The following B4GALT1 variants were observed in gnomAD, a reference collection of about 807,000 sequenced individuals.
B4GALT1 encodes the protein N-acetyllactosamine synthase.
In B4GALT1, 16 loss-of-function variants were observed where a neutral mutation model predicts 34.9. The observed-to-expected ratio is 0.46, with a 90% CI of 0.31 to 0.70. The LOEUF (loss-of-function observed/expected upper bound fraction) is 0.70, where lower values mean the gene tolerates loss of function less well. Among genes scored for constraint, B4GALT1 ranks in the 30% least tolerant of loss-of-function variants. The probability of loss-of-function intolerance (pLI) is 0.05; values close to 1 mark genes in which losing one functional copy is unlikely to be tolerated. For missense variants in B4GALT1, 445 were observed against 530.5 expected, an observed-to-expected ratio of 0.84 and a Z score of 1.58; for synonymous variants, 221 against 218.1, an observed-to-expected ratio of 1.01 and a Z score of -0.12.
At position 33,112,831 on chromosome 9, in the gene B4GALT1, C is replaced by T. The variant is rs1839883057; in HGVS notation, c.*623G>A. The T allele has an allele frequency of 6.4e-6, 1 of 155,116 alleles. No homozygotes were observed. The highest frequency in any genetic ancestry group is 1.4e-5 in the Non-Finnish European group (1 of 69,632). 9.6% of individuals were successfully genotyped at this position (155,116 alleles called of 1,614,324 possible). ...GAATGCGAGAAACCCAAGGCTTTTG[C>T]TCTGATGCTAGAGTTGCCCTGGAAT... On this transcript the variant is annotated 3_prime_UTR_variant, in exon 6 of 6. Coordinates refer to ENST00000379731, the MANE Select transcript of B4GALT1 (RefSeq NM_001497.4).
At chr9:33,133,867 C>T (rs1840229047) in intron 2 of B4GALT1, among the ~76,000 whole-genome samples, 1 of 152,188 alleles carries the variant, frequency 6.6e-6, no homozygotes. Flanking sequence ...TTTCCAGGAA[C>T]ATGCAAGGCT....
At chr9:33,104,965 A>G (rs986673421) in intron 2 of B4GALT1, among the ~76,000 whole-genome samples, 2 of 151,878 alleles carry the variant, frequency 1.3e-5, no homozygotes, top group Non-Finnish European at 2.9e-5. Context: ...GATTACAGGC[A>G]TGTGCCACCA....
At chr9:33,167,337 G>A (rs964961743), upstream of B4GALT1, 4 of 901,594 alleles carry the variant, frequency 4.4e-6, no homozygotes, top group South Asian at 1.7e-4. Flanking sequence ...ACCTGGGAGC[G>A]GCGAGAAGCC....
upstream of B4GALT1, among the ~76,000 whole-genome samples, chr9:33,169,968 A>ATTTT (rs74178857): frequency 4.5e-4 from 54 of 120,492 alleles, 1 homozygote; most frequent in Non-Finnish European, 5.7e-4. Flanking sequence ...CAGCCCCTAG[A>ATTTT]TTTTTTTTTT....
At chr9:33,115,471 GC>G (rs1839925674) in intron 4 of B4GALT1, among the ~76,000 whole-genome samples, 1 of 152,204 alleles carries the variant, frequency 6.6e-6, no homozygotes, top group African/African-American at 2.4e-5. Context: ...CTTAAAAAGA[GC>G]CCCAGGATGT....
intron 3 of B4GALT1, among the ~76,000 whole-genome samples, chr9:33,117,348 G>C (rs1170304784): frequency 2.0e-5 from 3 of 152,232 alleles, no homozygotes; most frequent in Non-Finnish European, 4.4e-5. Flanking sequence ...TCAAGTAGTA[G>C]AGCATCTGGG....
At chr9:33,150,269 G>C (rs1183396165) in intron 1 of B4GALT1, among the ~76,000 whole-genome samples, 4 of 121,528 alleles carry the variant, frequency 3.3e-5, no homozygotes, top group African/African-American at 5.7e-5. Context: ...CACACACAGA[G>C]CGAGAGAGAG....
intron 2 of B4GALT1, among the ~76,000 whole-genome samples, chr9:33,127,895 C>T (rs1408702363): frequency 1.3e-5 from 2 of 152,198 alleles, no homozygotes; most frequent in East Asian, 1.9e-4. Flanking sequence ...TCAGCATTTC[C>T]GAGAGAGCCC....
intron 1 of B4GALT1, among the ~76,000 whole-genome samples, chr9:33,166,350 G>A (rs76993157): frequency 0.016 from 2,429 of 152,244 alleles, 27 homozygotes; most frequent in Non-Finnish European, 0.025. Context: ...TCCCCACCGG[G>A]AGCCTCACGT....
chr9:33,168,084 A>G (rs767490037), upstream of B4GALT1, among the ~76,000 whole-genome samples: 6 of 152,220 alleles, frequency 3.9e-5, no homozygotes, highest in Non-Finnish European at 8.8e-5. Context: ...GCCAGCGTGC[A>G]GGAGATCAGC....
upstream of B4GALT1, among the ~76,000 whole-genome samples, chr9:33,169,614 G>A (rs1407393279): frequency 6.6e-6 from 1 of 151,078 alleles, no homozygotes; most frequent in Non-Finnish European, 1.5e-5. Flanking sequence ...TCTGCCTCCC[G>A]GGTTCAAGCG....
upstream of B4GALT1, among the ~76,000 whole-genome samples, chr9:33,170,034 A>T (rs1349156554): frequency 7.6e-5 from 10 of 132,134 alleles, no homozygotes; most frequent in African/African-American, 3.0e-4. Context: ...CAGTGGCGTG[A>T]TCTTGGCTCA....
chr9:33,109,581 T>C (rs945160083), downstream of B4GALT1, among the ~76,000 whole-genome samples: 3 of 152,016 alleles, frequency 2.0e-5, no homozygotes, highest in African/African-American at 4.8e-5. Context: ...GGCGGGAGGA[T>C]TGTGTGAGCC....
At chr9:33,173,344 G>A in the B4GALT1 span, among the ~76,000 whole-genome samples, 2 of 151,502 alleles carry the variant, frequency 1.3e-5, no homozygotes, top group Non-Finnish European at 2.9e-5. Context: ...GGCAGAGGTT[G>A]CAGTGAGCCG....
chr9:33,125,076 G>A (rs1316454120), intron 2 of B4GALT1, among the ~76,000 whole-genome samples: 1 of 152,166 alleles, frequency 6.6e-6, no homozygotes, highest in Non-Finnish European at 1.5e-5. Context: ...GCTTTTAGAA[G>A]GAGAAGACAG....
intron 1 of B4GALT1, among the ~76,000 whole-genome samples, chr9:33,147,327 G>A (rs901910852): frequency 1.4e-5 from 2 of 143,922 alleles, no homozygotes. Flanking sequence ...CCGGCTTACT[G>A]CAACCTCCCC....
intron 1 of B4GALT1, among the ~76,000 whole-genome samples, chr9:33,161,339 C>G (rs752385940): frequency 8.5e-5 from 13 of 152,126 alleles, no homozygotes; most frequent in Non-Finnish European, 1.9e-4. Context: ...TCCCCCACCC[C>G]CAAGCCCCAC....
chr9:33,173,863 G>C, the B4GALT1 span, among the ~76,000 whole-genome samples: 1 of 152,158 alleles, frequency 6.6e-6, no homozygotes, highest in Non-Finnish European at 1.5e-5. Context: ...ACAGAAATCA[G>C]TTTGAAGGGG....
At position 33,119,507 on chromosome 9, in the gene B4GALT1, A is replaced by G. The variant is rs577169168; in HGVS notation, c.836+912T>C. Among the ~76,000 whole-genome samples the G allele has an allele frequency of 7.2e-5, 11 of 152,362 alleles. No individual in the cohort carries two copies. The East Asian group carries it at 1.7e-3, about 24-fold the overall frequency. On this transcript the variant is annotated intron_variant, in intron 3 of 5. Coordinates refer to ENST00000379731, the MANE Select transcript of B4GALT1 (RefSeq NM_001497.4). Reference sequence around the variant, plus strand: ...TGAGGTGAGAGGATCACTTGAGCCCAAGAGTTCAAGCCCAGCTTGGGCAAC... The same window carrying G: ...TGAGGTGAGAGGATCACTTGAGCCCGAGAGTTCAAGCCCAGCTTGGGCAAC...
Sources: allele counts gnomAD v4.1 joint callset (sites outside exome capture counted in the v4.1 genomes callset), GRCh38; gene constraint gnomAD v4.1.1; transcripts MANE v1.5; gene names NCBI Gene and HGNC (gene_info 2026-07-23, HGNC 2026-07-21).